The following SH3RF2 variants were observed in gnomAD, a reference collection of about 807,000 sequenced individuals.
The protein encoded by SH3RF2 is SH3 domain containing ring finger 2, also known as E3 ubiquitin-protein ligase SH3RF2.
A neutral mutation model predicts 59.0 loss-of-function variants in SH3RF2; 43 were observed. The ratio of observed to expected loss-of-function variants is 0.73; its 90% CI spans 0.57 to 0.94. SH3RF2 has a LOEUF of 0.94. Among genes scored for constraint, SH3RF2 ranks in the 40% least tolerant of loss-of-function variants. SH3RF2 has a pLI of 0.00. For missense variants in SH3RF2, 930 were observed against 940.1 expected (o/e 0.99, Z 0.14); for synonymous variants, 391 against 391.5 (o/e 1.00, Z 0.01).
chr5:146,052,346 G>A (rs17096578), intron 7 of SH3RF2, among the ~76,000 whole-genome samples: 1,637 of 152,148 alleles, frequency 0.011, 24 homozygotes, highest in African/African-American at 0.037. Flanking sequence ...GGCCAAGGTC[G>A]GTCTATTGTG....
chr5:146,072,478 C>T (rs1763259213), intron 9 of SH3RF2, among the ~76,000 whole-genome samples: 1 of 152,272 alleles, frequency 6.6e-6, no homozygotes, highest in East Asian at 1.9e-4. Flanking sequence ...TGAGACCAGC[C>T]TGGCCAATAT....
chr5:146,018,812 A>G (rs920779127), intron 5 of SH3RF2, among the ~76,000 whole-genome samples: 5 of 152,146 alleles, frequency 3.3e-5, no homozygotes, highest in African/African-American at 9.7e-5. Flanking sequence ...TTACTGTTTA[A>G]TAACAGTCAT....
chr5:146,027,847 A>T (rs1413384012), intron 5 of SH3RF2, among the ~76,000 whole-genome samples: 1 of 152,206 alleles, frequency 6.6e-6, no homozygotes, highest in Admixed American at 6.5e-5. Flanking sequence ...CCTGGGGCAC[A>T]GTGACTTCTG....
At chr5:146,048,670 G>C (rs933298435) in intron 6 of SH3RF2, among the ~76,000 whole-genome samples, 1 of 152,164 alleles carries the variant, frequency 6.6e-6, no homozygotes, top group African/African-American at 2.4e-5. Flanking sequence ...GGTGATCCCT[G>C]AATCTGGCAA....
At chr5:145,953,567 T>C (rs1294019081) in intron 2 of SH3RF2, among the ~76,000 whole-genome samples, 1 of 152,196 alleles carries the variant, frequency 6.6e-6, no homozygotes, top group African/African-American at 2.4e-5. Context: ...TGTTTAACTT[T>C]TATTTTAGGT....
chr5:146,002,987 G>A (rs1760489372), intron 3 of SH3RF2, among the ~76,000 whole-genome samples: 1 of 152,166 alleles, frequency 6.6e-6, no homozygotes, highest in Non-Finnish European at 1.5e-5. Flanking sequence ...CTGTGTAAGA[G>A]GAAGCTAAGA....
intron 2 of SH3RF2, among the ~76,000 whole-genome samples, chr5:145,956,099 G>T (rs1382364963): frequency 2.0e-5 from 3 of 152,278 alleles, no homozygotes; most frequent in Middle Eastern, 3.4e-3. Flanking sequence ...TGATTCAGCA[G>T]ATCTGGGAGT....
At chr5:146,043,346 C>T (rs1308875018) in intron 5 of SH3RF2, among the ~76,000 whole-genome samples, 2 of 152,180 alleles carry the variant, frequency 1.3e-5, no homozygotes, top group Non-Finnish European at 2.9e-5. Context: ...TTGCTAGCTG[C>T]CCTCTATGAA....
exon 10 of SH3RF2, chr5:146,078,609 T>C (rs1363087361): frequency 6.6e-6 from 1 of 152,190 alleles, no homozygotes; most frequent in Non-Finnish European, 1.5e-5. Flanking sequence ...GGGATACCAA[T>C]AGTCTGGCCT....
chr5:145,986,102 G>GA (rs1430688381), intron 2 of SH3RF2, among the ~76,000 whole-genome samples: 1 of 152,194 alleles, frequency 6.6e-6, no homozygotes, highest in Non-Finnish European at 1.5e-5. Context: ...TCACTTTGCA[G>GA]TTGAGGAAAC....
chr5:146,016,042 C>CA (rs1761091450), intron 5 of SH3RF2, among the ~76,000 whole-genome samples: 1 of 152,176 alleles, frequency 6.6e-6, no homozygotes, highest in African/African-American at 2.4e-5. Context: ...TTCCCCACTC[C>CA]AGCAACCCAC....
intron 4 of SH3RF2, among the ~76,000 whole-genome samples, chr5:146,010,406 G>C (rs997136787): frequency 1.3e-5 from 2 of 152,290 alleles, no homozygotes; most frequent in Admixed American, 1.3e-4. Flanking sequence ...TAATGGGATG[G>C]CTGGGTCAAA....
chr5:145,951,681 T>C (rs1758198446), intron 2 of SH3RF2, among the ~76,000 whole-genome samples: 1 of 152,108 alleles, frequency 6.6e-6, no homozygotes, highest in South Asian at 2.1e-4. Context: ...ATTAGAAAAG[T>C]CTCCCTGAAA....
chr5:145,996,644 A>G (rs927395946), intron 2 of SH3RF2, among the ~76,000 whole-genome samples: 2 of 152,220 alleles, frequency 1.3e-5, no homozygotes, highest in Non-Finnish European at 2.9e-5. Flanking sequence ...TAACTTAGCC[A>G]TGATTACACA....
chr5:146,057,972 CTA>C (rs1402735122), intron 8 of SH3RF2, among the ~76,000 whole-genome samples: 17 of 81,344 alleles, frequency 2.1e-4, no homozygotes, highest in African/African-American at 4.0e-4. Flanking sequence ...CTCTCTCTAT[CTA>C]TCTATCTATC....
At chr5:145,969,949 T>A (rs1759011528) in intron 2 of SH3RF2, among the ~76,000 whole-genome samples, 1 of 152,052 alleles carries the variant, frequency 6.6e-6, no homozygotes, top group Non-Finnish European at 1.5e-5. Context: ...CATTATTCCC[T>A]TCCCACTCCC....
At chr5:146,011,434 G>T (rs967679771) in intron 4 of SH3RF2, among the ~76,000 whole-genome samples, 1 of 152,212 alleles carries the variant, frequency 6.6e-6, no homozygotes, top group African/African-American at 2.4e-5. Context: ...TTGGTAGCTT[G>T]ATGGGGATAG....
At chr5:145,944,231 G>C (rs1258151321) in intron 2 of SH3RF2, among the ~76,000 whole-genome samples, 1 of 151,670 alleles carries the variant, frequency 6.6e-6, no homozygotes, top group Non-Finnish European at 1.5e-5. Flanking sequence ...TGCTCAACTA[G>C]TATGTATTCT....
At chr5:146,005,173 AAAAG>A (rs566107053) in intron 4 of SH3RF2, among the ~76,000 whole-genome samples, 188 of 152,282 alleles carry the variant, frequency 1.2e-3, no homozygotes, top group African/African-American at 4.4e-3. Flanking sequence ...CTTTAAAAAA[AAAAG>A]AAAGAAAACA....
Sources: allele counts gnomAD v4.1 joint callset (sites outside exome capture counted in the v4.1 genomes callset), GRCh38; gene constraint gnomAD v4.1.1; transcripts MANE v1.5; gene names NCBI Gene and HGNC (gene_info 2026-07-23, HGNC 2026-07-21).